Variants in SNTG1 observed in about 807,000 individuals in gnomAD.
The protein encoded by SNTG1 is syntrophin gamma 1.
A neutral mutation model predicts 74.7 loss-of-function variants in SNTG1; 39 were observed. The observed-to-expected ratio is 0.52, with a 90% confidence interval of 0.40 to 0.68. SNTG1 has a LOEUF of 0.68. SNTG1 is among the 30% of genes least tolerant of loss of function. The pLI, the probability that SNTG1 is intolerant of heterozygous loss-of-function variation, is 0.00. For synonymous variants in SNTG1, 254 were observed against 217.1 expected, an observed-to-expected ratio of 1.17 and a Z score of -1.49; for missense variants, 685 against 609.5, an observed-to-expected ratio of 1.12 and a Z score of -1.30.
In SNTG1 at chr8:50,701,338, T is replaced by C. The variant is rs191546312; in HGVS notation, c.1039-3262T>C. Among the ~76,000 whole-genome samples the C allele has an allele frequency of 2.0e-5, 3 of 152,300 alleles. No individual in the cohort carries two copies. In the East Asian group the frequency reaches 5.8e-4, roughly 29 times the overall value. On this transcript the variant is annotated intron_variant, in intron 15 of 18. Transcript: ENST00000642720. ...ATTATACTGTGTTCAAGTCCAAAAT[T>C]TATAACCAGATCAATCATCCCATGT...
intron 4 of SNTG1, among the ~76,000 whole-genome samples, chr8:50,419,559 G>A (rs77747938): frequency 0.049 from 7,401 of 152,176 alleles, 245 homozygotes; most frequent in Non-Finnish European, 0.07. Context: ...CAATGGAGTC[G>A]GTTGAGACCT....
At chr8:50,658,480 C>G (rs2095197655) in intron 14 of SNTG1, 112 bp from the exon 15 acceptor site, 1 of 631,496 alleles carries the variant, frequency 1.6e-6, no homozygotes. Context: ...AGATGAGAGA[C>G]TAGATACATC....
intron 2 of SNTG1, among the ~76,000 whole-genome samples, chr8:50,233,348 G>C (rs1418785388): frequency 6.6e-6 from 1 of 151,554 alleles, no homozygotes; most frequent in Non-Finnish European, 1.5e-5. Flanking sequence ...GTAACAATTG[G>C]ATATCAACAG....
intron 15 of SNTG1, among the ~76,000 whole-genome samples, chr8:50,688,175 G>C (rs1470532156): frequency 1.3e-5 from 2 of 152,144 alleles, no homozygotes; most frequent in South Asian, 4.1e-4. Flanking sequence ...CAGATGAGTA[G>C]ATTGCAAAAA....
chr8:50,601,152 C>T (rs1292214635), intron 13 of SNTG1, among the ~76,000 whole-genome samples: 6 of 31,436 alleles, frequency 1.9e-4, no homozygotes, highest in African/African-American at 9.8e-4. Context: ...GCCAGCGAGA[C>T]AAAAAAAAAA....
At chr8:50,139,048 G>A (rs2081573755) in intron 1 of SNTG1, among the ~76,000 whole-genome samples, 1 of 152,126 alleles carries the variant, frequency 6.6e-6, no homozygotes, top group Non-Finnish European at 1.5e-5. Flanking sequence ...CCATTTTGAT[G>A]TATGAATCCA....
chr8:50,695,719 A>G (rs905731330), intron 15 of SNTG1, among the ~76,000 whole-genome samples: 4 of 151,820 alleles, frequency 2.6e-5, no homozygotes, highest in Non-Finnish European at 2.9e-5. Flanking sequence ...AAGGATCTAC[A>G]GTATTTGACT....
intron 11 of SNTG1, among the ~76,000 whole-genome samples, chr8:50,548,450 G>A (rs16915013): frequency 8.5e-5 from 13 of 152,126 alleles, no homozygotes; most frequent in African/African-American, 3.1e-4. Context: ...CAGTGGAGCT[G>A]TCTTGGATAA....
intron 8 of SNTG1, among the ~76,000 whole-genome samples, chr8:50,454,556 G>T (rs540044335): frequency 1.4e-4 from 21 of 148,828 alleles, no homozygotes; most frequent in Non-Finnish European, 2.5e-4. Context: ...CTGAGTGGCT[G>T]GGTGGCAGGG....
At chr8:50,484,210 TTCC>T (rs2093769571) in intron 8 of SNTG1, among the ~76,000 whole-genome samples, 1 of 144,694 alleles carries the variant, frequency 6.9e-6, no homozygotes, top group African/African-American at 2.6e-5. Context: ...CCTTCCTTCC[TTCC>T]TTCTTTCTTT....
chr8:50,088,221 C>A (rs1301216800), intron 1 of SNTG1, among the ~76,000 whole-genome samples: 1 of 151,832 alleles, frequency 6.6e-6, no homozygotes, highest in Admixed American at 6.6e-5. Flanking sequence ...TTGCTAAAAA[C>A]TCTCAATAAA....
chr8:50,726,587 C>T (rs59837148), intron 17 of SNTG1, among the ~76,000 whole-genome samples: 3,316 of 152,282 alleles, frequency 0.022, 104 homozygotes, highest in African/African-American at 0.071. Flanking sequence ...CACTGGCTCA[C>T]GCCTGTAATC....
At chr8:50,088,070 T>C (rs975815045) in intron 1 of SNTG1, among the ~76,000 whole-genome samples, 2 of 149,956 alleles carry the variant, frequency 1.3e-5, no homozygotes, top group African/African-American at 4.9e-5. Context: ...CTGAGAATGA[T>C]GATTTCCAAT....
At chr8:50,311,180 T>A (rs1308683032) in intron 2 of SNTG1, among the ~76,000 whole-genome samples, 1 of 152,228 alleles carries the variant, frequency 6.6e-6, no homozygotes, top group African/African-American at 2.4e-5. Flanking sequence ...CTAAGGTTTG[T>A]GTTCCCTCTG....
chr8:50,133,476 A>G (rs1054171938), intron 1 of SNTG1, among the ~76,000 whole-genome samples: 1 of 152,300 alleles, frequency 6.6e-6, no homozygotes, highest in African/African-American at 2.4e-5. Context: ...TAACATCTGT[A>G]TTGGCTCCCT....
intron 13 of SNTG1, among the ~76,000 whole-genome samples, chr8:50,640,576 G>A (rs548792851): frequency 3.5e-4 from 53 of 152,096 alleles, no homozygotes; most frequent in African/African-American, 1.2e-3. Context: ...CACCATCCAC[G>A]ATCTCAGACA....
chr8:50,698,823 C>A (rs141698118), intron 15 of SNTG1, among the ~76,000 whole-genome samples: 1 of 152,162 alleles, frequency 6.6e-6, no homozygotes, highest in South Asian at 2.1e-4. Flanking sequence ...GGTGCTCTAC[C>A]GTGGCCTGAA....
chr8:50,620,885 A>T (rs2094918430), intron 13 of SNTG1, among the ~76,000 whole-genome samples: 1 of 152,190 alleles, frequency 6.6e-6, no homozygotes, highest in Admixed American at 6.5e-5. Context: ...TCTAGAAATA[A>T]ATAAAGTGAT....
chr8:50,450,778 G>T, intron 8 of SNTG1, 49 bp downstream of exon 8: 1 of 1,568,500 alleles, frequency 6.4e-7, no homozygotes, highest in South Asian at 1.1e-5. Flanking sequence ...GTGCAAATAA[G>T]AATTTAGTGC....
Sources: allele counts gnomAD v4.1 joint callset (sites outside exome capture counted in the v4.1 genomes callset), GRCh38; gene constraint gnomAD v4.1.1; transcripts MANE v1.5; gene names NCBI Gene and HGNC (gene_info 2026-07-23, HGNC 2026-07-21).